The following TFDP1 variants were observed in gnomAD, a reference collection of about 807,000 sequenced individuals.
TFDP1 encodes transcription factor Dp-1.
Under a neutral mutation model 48.0 loss-of-function variants are expected in TFDP1, and 6 were observed. The ratio of observed to expected loss-of-function variants is 0.13; its 90% CI spans 0.07 to 0.25. The LOEUF (loss-of-function observed/expected upper bound fraction) is 0.25. Ranked by LOEUF, TFDP1 falls within the 10% of genes least tolerant of loss-of-function variation. The probability of loss-of-function intolerance (pLI) is 1.00; values close to 1 mark genes in which losing one functional copy is unlikely to be tolerated. For synonymous variants in TFDP1, 201 were observed against 211.6 expected, an observed-to-expected ratio of 0.95 and a Z score of 0.44; for missense variants, 335 against 543.0, an observed-to-expected ratio of 0.62 and a Z score of 3.81.
At position 113,635,960 on chromosome 13, in the gene TFDP1, C is replaced by G. The variant is rs377660829; in HGVS notation, c.688-17C>G. ...TTGTGCCGCCACGGGCCACCTGGCTCCTCTTATTTTTTTTAGCAAATTGCC... is the reference window on the plus strand; with the variant it reads ...TTGTGCCGCCACGGGCCACCTGGCTGCTCTTATTTTTTTTAGCAAATTGCC... On this transcript the variant is annotated splice_polypyrimidine_tract_variant and intron_variant, in intron 8 of 11. Transcript: ENST00000375370. 8.4e-5 allele frequency: 136 copies of G among 1,611,492 alleles called. No homozygotes were observed. The highest frequency in any genetic ancestry group is 1.0e-4 in the Non-Finnish European group (118 of 1,178,602).
At chr13:113,637,375 C>G in intron 10 of TFDP1, 3 of 347,868 alleles carry the variant, frequency 8.6e-6, no homozygotes, top group South Asian at 6.8e-5. Context: ...TTGTGAAAAT[C>G]TGGCTGGTCC....
chr13:113,587,266 G>A (rs979247170), intron 2 of TFDP1, among the ~76,000 whole-genome samples: 1 of 152,038 alleles, frequency 6.6e-6, no homozygotes, highest in Non-Finnish European at 1.5e-5. Flanking sequence ...CACCTGAGAC[G>A]CAGCATTTGT....
At position 113,585,901 on chromosome 13, in the gene TFDP1, C is replaced by G. The variant is rs2140244371; in HGVS notation, c.12+52C>G. On this transcript the variant is annotated intron_variant, in intron 2 of 11. Coordinates refer to ENST00000375370, the MANE Select transcript of TFDP1 (RefSeq NM_007111.5). ...ACGAATGTTTGCCTCGCACTAAATT[C>G]TTTGTAGTTCTCTGCCTTTATTTCA... The G allele has an allele frequency of 5.7e-6, 9 of 1,573,562 alleles. No homozygotes were observed. The East Asian group carries it at 1.8e-4, about 32-fold the overall frequency.
intron 4 of TFDP1, among the ~76,000 whole-genome samples, chr13:113,625,081 G>C (rs2049103509): frequency 7.3e-6 from 1 of 137,146 alleles, no homozygotes; most frequent in Admixed American, 7.3e-5. Flanking sequence ...CGTGTCCTCA[G>C]GTGTCTCTCA....
chr13:113,630,483 G>C (rs1594522840), intron 4 of TFDP1, among the ~76,000 whole-genome samples: 1 of 152,186 alleles, frequency 6.6e-6, no homozygotes, highest in Non-Finnish European at 1.5e-5. Context: ...CGTAAGAAGG[G>C]GAGCTGGGGG....
At chr13:113,630,687 G>A (rs185495297) in intron 4 of TFDP1, among the ~76,000 whole-genome samples, 2 of 152,210 alleles carry the variant, frequency 1.3e-5, no homozygotes, top group African/African-American at 2.4e-5. Context: ...AGATAGAGTC[G>A]TGCCACAAGA....
intron 2 of TFDP1, among the ~76,000 whole-genome samples, chr13:113,600,231 G>A (rs1385196926): frequency 1.4e-5 from 2 of 146,376 alleles, no homozygotes; most frequent in African/African-American, 5.1e-5. Context: ...CGTGCTTAGG[G>A]CTCCAGGACC....
intron 11 of TFDP1, among the ~76,000 whole-genome samples, chr13:113,638,839 C>T (rs1162179786): frequency 6.6e-6 from 1 of 152,132 alleles, no homozygotes; most frequent in Non-Finnish European, 1.5e-5. Context: ...TATAGTATTA[C>T]TTTATATTAA....
rs1340943912 is a variant in TFDP1, at chr13:113,633,762, C to T, written c.475-128C>T. 3 of 1,162,310 alleles carry T rather than the reference C, an allele frequency of 2.6e-6. No homozygotes were observed. Among genetic ancestry groups the T allele is most frequent in the Non-Finnish European group, 3.7e-6 (3 of 818,980 alleles). The allele number at this position is 1,162,310 out of a possible 1,614,324, so 72.0% of individuals were successfully genotyped here. ...GTCATCTGTGGGGTGGGAGCGCTCC[C>T]TGAGGGCATGTTGGGGTGGCGGCTC... On this transcript the variant is annotated intron_variant, in intron 6 of 11. Transcript: ENST00000375370. The surrounding 1 kb of genome is among the most constrained non-coding windows in gnomAD (Gnocchi z 4.5).
chr13:113,623,471 G>A lies in TFDP1; in HGVS notation c.186+185G>A, dbSNP rs753813898. Among the ~76,000 whole-genome samples, 8 of 152,160 alleles carry A rather than the reference G, an allele frequency of 5.3e-5. No homozygotes were observed. The highest frequency in any genetic ancestry group is 8.8e-5 in the Non-Finnish European group (6 of 68,024). On this transcript the variant is annotated intron_variant, in intron 4 of 11. Coordinates refer to ENST00000375370, the MANE Select transcript of TFDP1 (RefSeq NM_007111.5). The surrounding 1 kb of genome is among the most constrained non-coding windows in gnomAD (Gnocchi z 5.2). ...TCCATAGCCCTCTGCAGCTGCCCACGTGTTGTTGTGGGAGAGGTGATGGCG... is the reference window on the plus strand; with the variant it reads ...TCCATAGCCCTCTGCAGCTGCCCACATGTTGTTGTGGGAGAGGTGATGGCG...
chr13:113,608,918 C>G (rs2048636873), intron 2 of TFDP1, among the ~76,000 whole-genome samples: 1 of 152,254 alleles, frequency 6.6e-6, no homozygotes, highest in Admixed American at 6.5e-5. Context: ...GGCTTAACGT[C>G]TCGGCCTTAC....
intron 2 of TFDP1, among the ~76,000 whole-genome samples, chr13:113,604,143 A>G (rs2048506024): frequency 6.8e-6 from 1 of 147,294 alleles, no homozygotes; most frequent in African/African-American, 2.6e-5. Flanking sequence ...CATGGGTGAC[A>G]GAGTAACAGC....
At position 113,623,284 on chromosome 13, in the gene TFDP1, G is replaced by T; in HGVS notation, c.184G>T (p.Val62Leu). ...GQSNVNIAQQVVIGTPQRPAA... is the reference protein window; with the variant it reads ...GQSNVNIAQQLVIGTPQRPAA... ...GTCCAATGTCAACATTGCCCAGCAA[G>T]TGGTAAGCCTCCCGCAGGAGCGGAC... The change falls in exon 4 of 12, where the codon GTG becomes TTG. Residue 62 changes from valine (V) to leucine (L), a missense_variant and splice_region_variant. This residue lies in a region of TFDP1 where 103 missense variants were observed against 140.4 expected (regional missense o/e 0.73). Transcript: ENST00000375370. This position sits in a 1 kb window ranked among gnomAD's most constrained non-coding sequence, Gnocchi z 5.2. The T allele has an allele frequency of 6.2e-7, 1 of 1,609,966 alleles. No individual in the cohort carries two copies. The highest frequency in any genetic ancestry group is 8.5e-7 in the Non-Finnish European group (1 of 1,178,182).
intron 2 of TFDP1, among the ~76,000 whole-genome samples, chr13:113,590,762 G>C (rs2048119904): frequency 6.6e-6 from 1 of 152,064 alleles, no homozygotes; most frequent in South Asian, 2.1e-4. Context: ...TGTAATCCCA[G>C]CACTTTGGGA....
chr13:113,619,505 A>C (rs927007289), intron 3 of TFDP1, among the ~76,000 whole-genome samples: 3 of 149,978 alleles, frequency 2.0e-5, no homozygotes, highest in Admixed American at 6.6e-5. Context: ...AAAAAAGAAG[A>C]AGCCCACCCA....
At chr13:113,626,544 G>A (rs1316236811) in intron 4 of TFDP1, among the ~76,000 whole-genome samples, 1 of 151,220 alleles carries the variant, frequency 6.6e-6, no homozygotes. Flanking sequence ...CTCCCCGTGT[G>A]TGCTCCCACA....
intron 3 of TFDP1, among the ~76,000 whole-genome samples, chr13:113,615,351 G>A (rs76282595): frequency 0.013 from 2,047 of 152,278 alleles, 45 homozygotes; most frequent in African/African-American, 0.046. Context: ...CTACGGCCCC[G>A]CAGTGCTGAT....
Position 113,612,178 on chromosome 13 carries a change from G to A in TFDP1, c.79+1116G>A, listed in dbSNP as rs139689427. Among the ~76,000 whole-genome samples the A allele has an allele frequency of 4.0e-3, 615 of 152,264 alleles. 7 individuals are homozygous for A. Among genetic ancestry groups the A allele is most frequent in the African/African-American group, 0.014 (584 of 41,552 alleles). On this transcript the variant is annotated intron_variant, in intron 3 of 11. Transcript: ENST00000375370. ...GTCCCTTTCTGTCCAGTGCTGGTGC[G>A]GGCGCCCATGGTGCCATCTGCCTCC...
At chr13:113,586,033 AC>A in intron 2 of TFDP1, 184 bp downstream of exon 2, 1 of 600,100 alleles carries the variant, frequency 1.7e-6, no homozygotes, top group Non-Finnish European at 2.7e-6. Context: ...AGCTGCGGTC[AC>A]CACCCACAAG....
Sources: allele counts gnomAD v4.1 joint callset (sites outside exome capture counted in the v4.1 genomes callset), GRCh38; gene constraint gnomAD v4.1.1; regional missense constraint gnomAD v4.1.1; non-coding constraint Gnocchi (gnomAD v3.1); transcripts MANE v1.5; gene names NCBI Gene and HGNC (gene_info 2026-07-23, HGNC 2026-07-21).